Variants in PHTF1 observed in about 807,000 individuals in gnomAD.
PHTF1 encodes protein PHTF1.
In PHTF1, 88 loss-of-function variants were observed where a neutral mutation model predicts 102.4. That is an observed-to-expected ratio of 0.86 (90% CI 0.72 to 1.03). The LOEUF is 1.03. Among genes scored for constraint, PHTF1 ranks in the 50% least tolerant of loss-of-function variants. The pLI is 0.00. For synonymous variants in PHTF1, 289 were observed against 305.2 expected (o/e 0.95, Z 0.55); for missense variants, 814 against 909.5 (o/e 0.89, Z 1.35).
At chr1:113,744,045 G>T (rs114923249) in intron 3 of PHTF1, among the ~76,000 whole-genome samples, 18 of 152,306 alleles carry the variant, frequency 1.2e-4, no homozygotes, top group African/African-American at 4.3e-4. Flanking sequence ...ACTTTGAGAG[G>T]TTCAATGGGC....
At chr1:113,716,178 C>T (rs1651999397) in intron 7 of PHTF1, among the ~76,000 whole-genome samples, 1 of 151,880 alleles carries the variant, frequency 6.6e-6, no homozygotes, top group Non-Finnish European at 1.5e-5. Context: ...AACAATCAAA[C>T]CCTCAAAGAT....
At chr1:113,716,761 A>G (rs1458325430) in intron 7 of PHTF1, among the ~76,000 whole-genome samples, 1 of 152,236 alleles carries the variant, frequency 6.6e-6, no homozygotes, top group Non-Finnish European at 1.5e-5. Context: ...CCAGAAAAAA[A>G]CAAAAGCTGA....
intron 7 of PHTF1, among the ~76,000 whole-genome samples, chr1:113,720,223 G>A (rs950296249): frequency 1.3e-5 from 2 of 151,936 alleles, no homozygotes; most frequent in Non-Finnish European, 2.9e-5. Flanking sequence ...ATGATAAAGG[G>A]GTCAATGCAG....
At chr1:113,751,740 T>C (rs1403613112) in intron 3 of PHTF1, among the ~76,000 whole-genome samples, 1 of 152,202 alleles carries the variant, frequency 6.6e-6, no homozygotes, top group East Asian at 1.9e-4. Flanking sequence ...TATAGGTAGA[T>C]ACCCTAGGAG....
At chr1:113,741,878 A>G (rs1442391644) in intron 3 of PHTF1, among the ~76,000 whole-genome samples, 2 of 152,232 alleles carry the variant, frequency 1.3e-5, no homozygotes, top group Non-Finnish European at 2.9e-5. Flanking sequence ...CTAAAGGGAC[A>G]GAAATCATTA....
intron 15 of PHTF1, among the ~76,000 whole-genome samples, chr1:113,702,636 C>T (rs1018360341): frequency 9.3e-5 from 12 of 128,852 alleles, no homozygotes; most frequent in African/African-American, 4.3e-4. Context: ...CTTGTAGTCC[C>T]GGCTACCAGA....
chr1:113,716,342 CTTTTTTTTTTTTT>C (rs1180513920), intron 7 of PHTF1, among the ~76,000 whole-genome samples: 2 of 120,956 alleles, frequency 1.7e-5, no homozygotes, highest in Admixed American at 9.0e-5. Context: ...TTATTTTTCC[CTTTTTTTTTTTTT>C]TTTTTTTTTT....
intron 3 of PHTF1, among the ~76,000 whole-genome samples, chr1:113,739,023 T>C (rs1005895686): frequency 6.6e-6 from 1 of 152,098 alleles, no homozygotes; most frequent in Non-Finnish European, 1.5e-5. Context: ...GGCTAATTTT[T>C]TGTATTTTTA....
chr1:113,705,799 T>G (rs1164540993), intron 13 of PHTF1, 91 bp downstream of exon 13: 3 of 954,396 alleles, frequency 3.1e-6, no homozygotes, highest in Non-Finnish European at 4.8e-6. Flanking sequence ...CACATCAACT[T>G]GAAGAGAGAC....
At chr1:113,721,126 AAAAT>A (rs1652865973) in intron 7 of PHTF1, among the ~76,000 whole-genome samples, 1 of 152,188 alleles carries the variant, frequency 6.6e-6, no homozygotes, top group Non-Finnish European at 1.5e-5. Context: ...ACAATAAGAT[AAAAT>A]AAATAAATAA....
chr1:113,719,301 C>A (rs1156841681), intron 7 of PHTF1, among the ~76,000 whole-genome samples: 1 of 152,154 alleles, frequency 6.6e-6, no homozygotes, highest in Non-Finnish European at 1.5e-5. Context: ...CCACGCCTGG[C>A]CTGGGTTTTT....
intron 3 of PHTF1, among the ~76,000 whole-genome samples, chr1:113,741,915 G>C (rs1557961525): frequency 6.6e-6 from 1 of 151,972 alleles, no homozygotes; most frequent in Non-Finnish European, 1.5e-5. Flanking sequence ...TGATCTTATG[G>C]GAGATTACAA....
At chr1:113,748,426 C>T (rs1175604494) in intron 3 of PHTF1, among the ~76,000 whole-genome samples, 1 of 152,152 alleles carries the variant, frequency 6.6e-6, no homozygotes, top group African/African-American at 2.4e-5. Context: ...ATGAATTGCA[C>T]TCACTTTGCT....
intron 5 of PHTF1, among the ~76,000 whole-genome samples, chr1:113,737,784 G>A (rs547881291): frequency 6.6e-6 from 1 of 152,248 alleles, no homozygotes; most frequent in South Asian, 2.1e-4. Context: ...GGGTGACAGA[G>A]AGAGACCCCG....
At position 113,711,953 on chromosome 1, in the gene PHTF1, T is replaced by C; in HGVS notation, c.944A>G (p.His315Arg). Residue 315 changes from histidine (H) to arginine (R), a missense_variant, in exon 9 of 19, where the codon CAC (histidine) becomes CGC (arginine). Transcript: ENST00000369604. ...VKNRKSILSR[H>R]LNSQVKKTTT... ...AATAGAAATTACCTGAGAGTTTAGGTGCCTTGAAAGTATTGATTTTCTATT... is the reference window on the plus strand; with the variant it reads ...AATAGAAATTACCTGAGAGTTTAGGCGCCTTGAAAGTATTGATTTTCTATT... 3 of 1,613,802 alleles carry C rather than the reference T, an allele frequency of 1.9e-6. No homozygotes were observed. The highest frequency in any genetic ancestry group is 2.5e-6 in the Non-Finnish European group (3 of 1,179,692).
At chr1:113,714,593 G>C (rs757207730) in intron 7 of PHTF1, 1 of 152,376 alleles carries the variant, frequency 6.6e-6, no homozygotes, top group Non-Finnish European at 1.5e-5. Flanking sequence ...CTTTTGGTTT[G>C]GGTGTGAGCT....
chr1:113,727,444 G>C (rs990957810), intron 5 of PHTF1, among the ~76,000 whole-genome samples: 1 of 152,130 alleles, frequency 6.6e-6, no homozygotes, highest in East Asian at 1.9e-4. Flanking sequence ...CCAGTACCTG[G>C]AGCACAGAAT....
rs1336177915 is a variant in PHTF1, at chr1:113,759,046, C to G, written c.-54G>C. 1 of 1,012,432 alleles carries G rather than the reference C, an allele frequency of 9.9e-7. No individual in the cohort carries two copies. Among genetic ancestry groups the G allele is most frequent in the Admixed American group, 5.9e-5 (1 of 16,990 alleles). 62.7% of individuals were successfully genotyped at this position (1,012,432 alleles called of 1,614,324 possible). On this transcript the variant is annotated 5_prime_UTR_variant, in exon 1 of 19. Transcript: ENST00000369604. ...ACCTAGTGCCCGTTGCCCCGCGGGC[C>G]GGCGCCCGGGACCTCCGTCCTCAGT...
chr1:113,730,654 C>G (rs1467227715), intron 5 of PHTF1, among the ~76,000 whole-genome samples: 2 of 152,154 alleles, frequency 1.3e-5, no homozygotes, highest in East Asian at 3.8e-4. Context: ...AAACCAATAG[C>G]TTTCAAATGT....
Sources: allele counts gnomAD v4.1 joint callset (sites outside exome capture counted in the v4.1 genomes callset), GRCh38; gene constraint gnomAD v4.1.1; transcripts MANE v1.5; gene names NCBI Gene and HGNC (gene_info 2026-07-23, HGNC 2026-07-21).